Variants in SGMS1 observed in about 807,000 individuals in gnomAD.
SGMS1 encodes the protein phosphatidylcholine:ceramide cholinephosphotransferase 1.
SGMS1 carries 13 observed loss-of-function variants against 46.2 expected under a neutral mutation model. That is an observed-to-expected ratio of 0.28 (90% CI 0.18 to 0.45). The LOEUF (loss-of-function observed/expected upper bound fraction) is 0.45, where lower values mean the gene tolerates loss of function less well. Ranked by LOEUF, SGMS1 falls within the 20% of genes least tolerant of loss-of-function variation. The probability of loss-of-function intolerance (pLI) is 1.00; values close to 1 mark genes in which losing one functional copy is unlikely to be tolerated. For missense variants in SGMS1, 324 were observed against 519.9 expected, an observed-to-expected ratio of 0.62 and a Z score of 3.66; for synonymous variants, 203 against 187.8, an observed-to-expected ratio of 1.08 and a Z score of -0.66.
At chr10:50,374,677 A>C (rs1848496358) in intron 6 of SGMS1, among the ~76,000 whole-genome samples, 1 of 151,948 alleles carries the variant, frequency 6.6e-6, no homozygotes, top group Non-Finnish European at 1.5e-5. Context: ...TCCTGACCTC[A>C]TCCTCTTCCC....
intron 5 of SGMS1, among the ~76,000 whole-genome samples, chr10:50,442,338 C>G (rs1402834291): frequency 6.6e-6 from 1 of 152,048 alleles, no homozygotes; most frequent in East Asian, 1.9e-4. Flanking sequence ...TCTCCCTCCC[C>G]CACCGCCCCC....
intron 3 of SGMS1, among the ~76,000 whole-genome samples, chr10:50,511,248 T>TACACACACAC (rs3054272): frequency 0.12 from 16,393 of 141,438 alleles, 992 homozygotes; most frequent in African/African-American, 0.13. Context: ...CACTCATTCA[T>TACACACACAC]ACACACACAC....
chr10:50,591,952 G>A (rs1437411887), intron 1 of SGMS1, among the ~76,000 whole-genome samples: 1 of 152,174 alleles, frequency 6.6e-6, no homozygotes, highest in Non-Finnish European at 1.5e-5. Flanking sequence ...AAAGCCTAAA[G>A]AAAGCCAGTC....
chr10:50,588,832 T>C (rs1208939435), intron 2 of SGMS1, among the ~76,000 whole-genome samples: 3 of 148,118 alleles, frequency 2.0e-5, no homozygotes, highest in Admixed American at 1.4e-4. Flanking sequence ...CAGGCTCAAG[T>C]GATTCTCCTG....
At chr10:50,321,644 T>A (rs541171184) in intron 8 of SGMS1, among the ~76,000 whole-genome samples, 1 of 152,250 alleles carries the variant, frequency 6.6e-6, no homozygotes, top group Non-Finnish European at 1.5e-5. Flanking sequence ...GCATTGACAA[T>A]TTAAGTTGCA....
chr10:50,390,556 T>C (rs1404885668), intron 6 of SGMS1, among the ~76,000 whole-genome samples: 1 of 152,152 alleles, frequency 6.6e-6, no homozygotes, highest in Non-Finnish European at 1.5e-5. Flanking sequence ...GAGGATGGCT[T>C]GAACCCAGGA....
intron 6 of SGMS1, among the ~76,000 whole-genome samples, chr10:50,384,990 C>T (rs7073693): frequency 0.06 from 9,137 of 152,204 alleles, 636 homozygotes; most frequent in African/African-American, 0.17. Context: ...TTAGTGTCCC[C>T]TTAGTCTCTG....
intron 6 of SGMS1, among the ~76,000 whole-genome samples, chr10:50,394,944 C>T (rs574870890): frequency 1.3e-5 from 2 of 152,174 alleles, no homozygotes; most frequent in Non-Finnish European, 2.9e-5. Flanking sequence ...CCATCACGAA[C>T]TAATCATCAT....
chr10:50,358,724 C>G (rs1451165506), intron 6 of SGMS1, among the ~76,000 whole-genome samples: 1 of 152,094 alleles, frequency 6.6e-6, no homozygotes, highest in Non-Finnish European at 1.5e-5. Flanking sequence ...CCTAACAGAT[C>G]TTTTAAGGCA....
At chr10:50,562,595 G>A (rs1322069539) in intron 2 of SGMS1, among the ~76,000 whole-genome samples, 1 of 152,318 alleles carries the variant, frequency 6.6e-6, no homozygotes, top group South Asian at 2.1e-4. Flanking sequence ...CCAGGCTGGA[G>A]TGCAGTGGCG....
At chr10:50,353,177 CA>C (rs1848053128) in intron 6 of SGMS1, among the ~76,000 whole-genome samples, 1 of 139,016 alleles carries the variant, frequency 7.2e-6, no homozygotes, top group African/African-American at 2.7e-5. Flanking sequence ...AACATCGATG[CA>C]AAAATCCTCA....
intron 2 of SGMS1, among the ~76,000 whole-genome samples, chr10:50,564,403 G>T (rs1393210525): frequency 6.6e-6 from 1 of 152,122 alleles, no homozygotes; most frequent in Non-Finnish European, 1.5e-5. Context: ...TTGTTTAAAG[G>T]CACCTGCAAT....
At chr10:50,365,255 C>CAAAAAAAA (rs67951872) in intron 6 of SGMS1, among the ~76,000 whole-genome samples, 71 of 45,026 alleles carry the variant, frequency 1.6e-3, no homozygotes, top group African/African-American at 3.1e-3. Flanking sequence ...TCCATCTCAC[C>CAAAAAAAA]AAAAAAAAAA....
intron 6 of SGMS1, among the ~76,000 whole-genome samples, chr10:50,406,671 T>C (rs1849020128): frequency 6.6e-6 from 1 of 151,796 alleles, no homozygotes; most frequent in South Asian, 2.1e-4. Context: ...GCCAATCTTA[T>C]CATTGCTCCA....
chr10:50,518,599 A>C (rs181435958), intron 3 of SGMS1, among the ~76,000 whole-genome samples: 9 of 152,052 alleles, frequency 5.9e-5, no homozygotes, highest in African/African-American at 1.9e-4. Flanking sequence ...GCTAATTTTT[A>C]TATTTTTAGT....
chr10:50,383,992 A>G (rs1438209754), intron 6 of SGMS1, among the ~76,000 whole-genome samples: 1 of 152,186 alleles, frequency 6.6e-6, no homozygotes, highest in Non-Finnish European at 1.5e-5. Flanking sequence ...CTTATAAAGG[A>G]GACCCTAGAG....
At chr10:50,581,863 G>A (rs1482465782) in intron 2 of SGMS1, among the ~76,000 whole-genome samples, 1 of 152,184 alleles carries the variant, frequency 6.6e-6, no homozygotes, top group Admixed American at 6.5e-5. Flanking sequence ...ACTCACAGGT[G>A]AAGTTCTTGA....
At chr10:50,533,345 A>C (rs1179972410) in intron 2 of SGMS1, among the ~76,000 whole-genome samples, 2 of 152,180 alleles carry the variant, frequency 1.3e-5, no homozygotes, top group East Asian at 3.8e-4. Context: ...CCCTTAATTC[A>C]AAATACTGTT....
At chr10:50,393,005 T>A (rs1193528078) in intron 6 of SGMS1, among the ~76,000 whole-genome samples, 3 of 151,974 alleles carry the variant, frequency 2.0e-5, no homozygotes, top group Non-Finnish European at 4.4e-5. Context: ...TTTTTTTTTT[T>A]AATGAACCAA....
Sources: allele counts gnomAD v4.1 joint callset (sites outside exome capture counted in the v4.1 genomes callset), GRCh38; gene constraint gnomAD v4.1.1; transcripts MANE v1.5; gene names NCBI Gene and HGNC (gene_info 2026-07-23, HGNC 2026-07-21).